Variants in CACNA1A observed in about 807,000 individuals in gnomAD.
CACNA1A encodes the protein voltage-dependent P/Q-type calcium channel subunit alpha-1A.
Under a neutral mutation model 262.4 loss-of-function variants are expected in CACNA1A, and 57 were observed. The ratio of observed to expected loss-of-function variants is 0.22; its 90% CI spans 0.18 to 0.27. CACNA1A has a LOEUF of 0.27. CACNA1A is among the 10% of genes least tolerant of loss of function. The pLI is 1.00. For missense variants in CACNA1A, 2,526 were observed against 3,562.8 expected (o/e 0.71, Z 7.41); for synonymous variants, 1,431 against 1,419.3 (o/e 1.01, Z -0.18).
chr19:13,230,280 A>T lies in CACNA1A; in HGVS notation c.5401-71T>A, dbSNP rs1032842104. ...GGGAATGAATGAGTGAGTGAGAAGG[A>T]TACAGACAGACAGACGGACAGACAG... On this transcript the variant is annotated intron_variant, in intron 35 of 46. Transcript: ENST00000360228. The T allele has an allele frequency of 1.9e-6, 3 of 1,553,280 alleles. No individual in the cohort carries two copies. The African/African-American group carries it at 4.1e-5, about 21-fold the overall frequency.
chr19:13,336,594 G>GGAGAGAGAGGGGGA (rs1555768093), intron 6 of CACNA1A, among the ~76,000 whole-genome samples: 7 of 65,508 alleles, frequency 1.1e-4, no homozygotes. Context: ...AGAGAGAGAG[G>GGAGAGAGAGGGGGA]GAGAGAGAGA....
chr19:13,216,707 T>G (rs757576444), intron 38 of CACNA1A, among the ~76,000 whole-genome samples: 22 of 143,480 alleles, frequency 1.5e-4, no homozygotes, highest in Non-Finnish European at 2.3e-4. Flanking sequence ...ATCATCTATC[T>G]ATCGATCGAC....
intron 23 of CACNA1A, among the ~76,000 whole-genome samples, 187 bp from the exon 24 acceptor site, chr19:13,276,143 C>T (rs1462654218): frequency 6.6e-6 from 1 of 152,176 alleles, no homozygotes; most frequent in Admixed American, 6.5e-5. Flanking sequence ...AGGCGGCCCC[C>T]CTTTGCCTGA....
At chr19:13,326,677 T>C (rs1190051544) in intron 10 of CACNA1A, among the ~76,000 whole-genome samples, 1 of 151,252 alleles carries the variant, frequency 6.6e-6, no homozygotes. Context: ...TAGTCCCAGC[T>C]ACTTGGGAGG....
At chr19:13,473,503 T>G (rs1395320598) in intron 1 of CACNA1A, among the ~76,000 whole-genome samples, 2 of 152,238 alleles carry the variant, frequency 1.3e-5, no homozygotes, top group African/African-American at 4.8e-5. Flanking sequence ...AATATATTTA[T>G]GTTGTTTTAA....
intron 37 of CACNA1A, 173 bp from the exon 38 acceptor site, chr19:13,224,945 G>A (rs535055198): frequency 1.6e-4 from 91 of 555,868 alleles, no homozygotes; most frequent in Non-Finnish European, 2.6e-4. Context: ...TTGGTGGCCC[G>A]CAGGGAGGGC....
chr19:13,407,729 G>A (rs776118529), intron 3 of CACNA1A, among the ~76,000 whole-genome samples: 21 of 152,154 alleles, frequency 1.4e-4, no homozygotes, highest in Non-Finnish European at 2.2e-4. Flanking sequence ...TATGGTTCAC[G>A]TCTGTAATCC....
At chr19:13,475,869 T>C (rs185365862) in intron 1 of CACNA1A, among the ~76,000 whole-genome samples, 5 of 152,138 alleles carry the variant, frequency 3.3e-5, no homozygotes, top group African/African-American at 9.7e-5. Context: ...AGGAGTTTCA[T>C]CTTTAGAAAC....
At chr19:13,388,231 G>A (rs11669811) in intron 3 of CACNA1A, among the ~76,000 whole-genome samples, 3 of 139,342 alleles carry the variant, frequency 2.2e-5, no homozygotes, top group South Asian at 2.3e-4. Context: ...TTGAAAAAAC[G>A]ATTTCTTCCT....
At chr19:13,465,215 G>A (rs551915294) in intron 1 of CACNA1A, among the ~76,000 whole-genome samples, 8 of 152,294 alleles carry the variant, frequency 5.3e-5, no homozygotes, top group African/African-American at 1.9e-4. Context: ...ACAGGCATGA[G>A]CCACCGCGTC....
At chr19:13,238,438 C>G (rs574194690) in intron 31 of CACNA1A, among the ~76,000 whole-genome samples, 3 of 152,294 alleles carry the variant, frequency 2.0e-5, no homozygotes, top group African/African-American at 7.2e-5. Context: ...AGTCCTACTA[C>G]TTGTAGACCT....
At chr19:13,379,969 G>A (rs576049105) in intron 3 of CACNA1A, among the ~76,000 whole-genome samples, 1 of 136,454 alleles carries the variant, frequency 7.3e-6, no homozygotes, top group Non-Finnish European at 1.5e-5. Flanking sequence ...CACTGCCCAG[G>A]AGAAATCTAT....
chr19:13,300,349 C>T (rs1449926379), intron 18 of CACNA1A, among the ~76,000 whole-genome samples: 1 of 152,076 alleles, frequency 6.6e-6, no homozygotes, highest in African/African-American at 2.4e-5. Flanking sequence ...ATGCTGTATC[C>T]CCAGAAGTTA....
chr19:13,217,362 A>G lies in CACNA1A; in HGVS notation c.5732-2754T>C, dbSNP rs535818209. ...TGAGGTTAATCTGTACCCCCTTTGC[A>G]GCCCCTTAGCCTGCTGGAAAGGAAG... On this transcript the variant is annotated intron_variant, in intron 38 of 46. Coordinates refer to ENST00000360228, the MANE Select transcript of CACNA1A (RefSeq NM_001127222.2). Among the ~76,000 whole-genome samples, 10 of 152,284 alleles carry G rather than the reference A, an allele frequency of 6.6e-5. No homozygotes were observed. In the South Asian group the frequency reaches 1.7e-3, roughly 25 times the overall value.
chr19:13,308,047 G>T lies in CACNA1A; in HGVS notation c.1913+73C>A, dbSNP rs1449673964. 6 of 1,579,680 alleles carry T rather than the reference G, an allele frequency of 3.8e-6. No homozygotes were observed. The highest frequency in any genetic ancestry group is 5.2e-6 in the Non-Finnish European group (6 of 1,156,986). On this transcript the variant is annotated intron_variant, in intron 14 of 46. Coordinates refer to ENST00000360228, the MANE Select transcript of CACNA1A (RefSeq NM_001127222.2). This position sits in a 1 kb window ranked among gnomAD's most constrained non-coding sequence, Gnocchi z 4.2. ...GGGCTACGAGGAAGGCAGCCTGCAC[G>T]GTGGAGGGGACTGTGTGTTCCCTGA...
At chr19:13,230,329 C>A (rs1341315030) in intron 35 of CACNA1A, 120 bp from the exon 36 acceptor site, 6 of 1,007,734 alleles carry the variant, frequency 6.0e-6, no homozygotes, top group Non-Finnish European at 8.9e-6. Flanking sequence ...TACACAGAGG[C>A]CCAGATGGAG....
chr19:13,228,102 C>T (rs2055533323), intron 36 of CACNA1A, among the ~76,000 whole-genome samples: 1 of 151,686 alleles, frequency 6.6e-6, no homozygotes, highest in African/African-American at 2.4e-5. Flanking sequence ...GAAGGGGGTT[C>T]TTGCTATGTT....
chr19:13,346,267 T>C (rs973783728), intron 6 of CACNA1A, among the ~76,000 whole-genome samples: 4 of 152,128 alleles, frequency 2.6e-5, no homozygotes, highest in Middle Eastern at 3.4e-3. Context: ...CACTCCCCAC[T>C]GGACATCTGG....
rs753248182 is a variant in CACNA1A at position 13,299,259 on chromosome 19, C to T, written c.2374G>A (p.Ala792Thr). 8 of 1,607,426 alleles carry T rather than the reference C, an allele frequency of 5.0e-6. No individual in the cohort carries two copies. The South Asian group carries it at 8.8e-5, about 18-fold the overall frequency. Reference sequence around the variant, plus strand: ...TCCGGGTCCATTTCGTTATACAGGGCCTCCCGGCTGGCCAGCAAGTTCTGC... The same window carrying T: ...TCCGGGTCCATTTCGTTATACAGGGTCTCCCGGCTGGCCAGCAAGTTCTGC... ...RKQNLLASRE[A>T]LYNEMDPDER... is the part of the protein sequence containing the mutation. The change falls in exon 19 of 47, where the codon GCC becomes ACC. Residue 792 changes from alanine to threonine, a missense_variant. By Grantham distance (58) the Ala-to-Thr change is moderately conservative. Transcript: ENST00000360228.
Sources: gnomAD v4.1 joint callset for allele counts (sites outside exome capture counted in the v4.1 genomes callset) on GRCh38, gnomAD v4.1.1 for gene constraint, Gnocchi (gnomAD v3.1) non-coding constraint, MANE v1.5 for transcripts, NCBI Gene and HGNC (gene_info 2026-07-23, HGNC 2026-07-21) for gene names.